Variants in NXPH1 observed in about 807,000 individuals in gnomAD.
NXPH1 encodes neurexophilin 1.
Under a neutral mutation model 23.7 loss-of-function variants are expected in NXPH1, and 5 were observed. That is an observed-to-expected ratio of 0.21 (90% CI 0.11 to 0.44). The LOEUF (loss-of-function observed/expected upper bound fraction) is 0.44. Among genes scored for constraint, NXPH1 ranks in the 20% least tolerant of loss-of-function variants. The probability of loss-of-function intolerance (pLI) is 0.99; values close to 1 mark genes in which losing one functional copy is unlikely to be tolerated. For synonymous variants in NXPH1, 144 were observed against 122.2 expected, an observed-to-expected ratio of 1.18 and a Z score of -1.18; for missense variants, 324 against 321.6, an observed-to-expected ratio of 1.01 and a Z score of -0.06.
intron 2 of NXPH1, among the ~76,000 whole-genome samples, chr7:8,450,139 A>G (rs997270936): frequency 2.0e-5 from 3 of 152,134 alleles, no homozygotes; most frequent in African/African-American, 7.2e-5. Context: ...AACAAATCAC[A>G]CTCATGTTTT....
intron 2 of NXPH1, among the ~76,000 whole-genome samples, chr7:8,737,571 C>T (rs1780283728): frequency 6.6e-6 from 1 of 152,110 alleles, no homozygotes; most frequent in Non-Finnish European, 1.5e-5. Context: ...AACATTTTTT[C>T]CTTCATTTCA....
At position 8,442,243 on chromosome 7, in the gene NXPH1, G is replaced by A. The variant is rs1218424926; in HGVS notation, c.54+6476G>A. The stretch of plus-strand genomic sequence containing the variant: ...CCAGAGCGCATCGCCTCATCTGCAT[G>A]AGAATGGAGAACCGGGAGGCTTTTC... On this transcript the variant is annotated intron_variant, in intron 2 of 2. Transcript: ENST00000405863. The surrounding 1 kb of genome is among the most constrained non-coding windows in gnomAD (Gnocchi z 4.6). Among the ~76,000 whole-genome samples the A allele has an allele frequency of 6.6e-6, 1 of 152,248 alleles. No homozygotes were observed. The highest frequency in any genetic ancestry group is 1.5e-5 in the Non-Finnish European group (1 of 68,044).
chr7:8,544,846 T>A (rs747240165), intron 2 of NXPH1, among the ~76,000 whole-genome samples: 1 of 151,654 alleles, frequency 6.6e-6, no homozygotes, highest in Non-Finnish European at 1.5e-5. Context: ...CTATACCCTT[T>A]AGAAAATGTA....
Position 8,589,209 on chromosome 7 carries a change from A to G in NXPH1, c.54+153442A>G, listed in dbSNP as rs191714821. ...ATATTAAAAAATGGTGACTAATCTTAAAGTATAAGATGAAAATGGACACCT... is the reference window on the plus strand; with the variant it reads ...ATATTAAAAAATGGTGACTAATCTTGAAGTATAAGATGAAAATGGACACCT... On this transcript the variant is annotated intron_variant, in intron 2 of 2. Transcript: ENST00000405863. Among the ~76,000 whole-genome samples, 12 of 152,250 alleles carry G rather than the reference A, an allele frequency of 7.9e-5. No homozygotes were observed. In the East Asian group the frequency reaches 2.1e-3, roughly 27 times the overall value.
chr7:8,536,723 T>C (rs1818033337), intron 2 of NXPH1, among the ~76,000 whole-genome samples: 1 of 151,976 alleles, frequency 6.6e-6, no homozygotes, highest in African/African-American at 2.4e-5. Context: ...TTTAGAAATC[T>C]ATATTAATAT....
chr7:8,654,959 T>C (rs1047567692), intron 2 of NXPH1, among the ~76,000 whole-genome samples: 3 of 152,008 alleles, frequency 2.0e-5, no homozygotes, highest in African/African-American at 7.3e-5. Flanking sequence ...ATATGGAAAA[T>C]CAAGGGAGAG....
intron 2 of NXPH1, among the ~76,000 whole-genome samples, chr7:8,626,959 A>G (rs1820004642): frequency 6.6e-6 from 1 of 152,104 alleles, no homozygotes; most frequent in Non-Finnish European, 1.5e-5. Flanking sequence ...GCATAAGGAC[A>G]AAGAGCCTCT....
intron 2 of NXPH1, among the ~76,000 whole-genome samples, chr7:8,496,327 C>T (rs1221533032): frequency 6.6e-6 from 1 of 151,988 alleles, no homozygotes; most frequent in Non-Finnish European, 1.5e-5. Context: ...CTCTTTCCTT[C>T]CTCATTGTTT....
chr7:8,637,238 T>TTTTGA (rs1820231011), intron 2 of NXPH1, among the ~76,000 whole-genome samples: 1 of 151,606 alleles, frequency 6.6e-6, no homozygotes, highest in Admixed American at 6.6e-5. Flanking sequence ...TTTTTTTTTT[T>TTTTGA]GAGAGAGAGG....
intron 2 of NXPH1, among the ~76,000 whole-genome samples, chr7:8,565,771 C>A (rs1325332823): frequency 6.6e-6 from 1 of 151,806 alleles, no homozygotes; most frequent in East Asian, 1.9e-4. Context: ...CCCATCGTTA[C>A]TTTTAATGAG....
intron 2 of NXPH1, among the ~76,000 whole-genome samples, chr7:8,706,504 G>C (rs1201886634): frequency 6.6e-6 from 1 of 152,186 alleles, no homozygotes; most frequent in Non-Finnish European, 1.5e-5. Context: ...GAAATGGTCA[G>C]AGTGTGAAGA....
intron 2 of NXPH1, among the ~76,000 whole-genome samples, chr7:8,571,426 G>T (rs773004896): frequency 6.6e-6 from 1 of 151,750 alleles, no homozygotes; most frequent in Non-Finnish European, 1.5e-5. Context: ...GGGGAAATTT[G>T]GGGGGAACAG....
intron 2 of NXPH1, among the ~76,000 whole-genome samples, chr7:8,640,037 G>T (rs938581299): frequency 1.1e-4 from 17 of 151,976 alleles, no homozygotes; most frequent in Non-Finnish European, 7.4e-5. Context: ...TTTTCTTATT[G>T]ATTTATAGGA....
chr7:8,638,093 C>A (rs779642837), intron 2 of NXPH1, among the ~76,000 whole-genome samples: 2 of 152,164 alleles, frequency 1.3e-5, no homozygotes, highest in Non-Finnish European at 2.9e-5. Context: ...AAAACTCCAG[C>A]TTGTAGCGAC....
chr7:8,469,850 A>G (rs1816845748), intron 2 of NXPH1, among the ~76,000 whole-genome samples: 1 of 152,154 alleles, frequency 6.6e-6, no homozygotes, highest in East Asian at 1.9e-4. Context: ...AAATGTCATT[A>G]TCCTTACTCT....
intron 2 of NXPH1, among the ~76,000 whole-genome samples, chr7:8,696,990 T>C (rs946580420): frequency 1.1e-3 from 83 of 72,768 alleles, no homozygotes; most frequent in African/African-American, 2.3e-3. Context: ...AAACCCTGTC[T>C]CTACTAAAAA....
At chr7:8,444,391 T>C (rs1050177216) in intron 2 of NXPH1, among the ~76,000 whole-genome samples, 1 of 152,282 alleles carries the variant, frequency 6.6e-6, no homozygotes, top group Admixed American at 6.5e-5. Flanking sequence ...GCCTTTAGCT[T>C]AAGGGCCAGC....
At chr7:8,536,579 A>G (rs946848713) in intron 2 of NXPH1, among the ~76,000 whole-genome samples, 8 of 149,030 alleles carry the variant, frequency 5.4e-5, no homozygotes, top group African/African-American at 2.0e-4. Context: ...TAAACTACAG[A>G]AAGGAGGCTA....
chr7:8,486,864 C>G (rs921858652), intron 2 of NXPH1, among the ~76,000 whole-genome samples: 16 of 152,234 alleles, frequency 1.1e-4, no homozygotes, highest in Admixed American at 7.2e-4. Context: ...AATATAACTT[C>G]CTTAGTTAAA....
Sources: allele counts gnomAD v4.1 joint callset (sites outside exome capture counted in the v4.1 genomes callset), GRCh38; gene constraint gnomAD v4.1.1; non-coding constraint Gnocchi (gnomAD v3.1); transcripts MANE v1.5; gene names NCBI Gene and HGNC (gene_info 2026-07-23, HGNC 2026-07-21).